The following DIPK1A variants were observed in gnomAD, a reference collection of about 807,000 sequenced individuals.
DIPK1A encodes family with sequence similarity 69 member A.
In DIPK1A, 27 loss-of-function variants were observed where a neutral mutation model predicts 40.8. That is an observed-to-expected ratio of 0.66 (90% CI 0.49 to 0.91). The LOEUF (loss-of-function observed/expected upper bound fraction) is 0.91. DIPK1A is among the 40% of genes least tolerant of loss of function. The pLI, the probability that DIPK1A is intolerant of heterozygous loss-of-function variation, is 0.00. For synonymous variants in DIPK1A, 166 were observed against 171.3 expected (o/e 0.97, Z 0.24); for missense variants, 412 against 505.7 (o/e 0.81, Z 1.78).
chr1:92,834,008 G>A, intron 4 of DIPK1A: 1 of 317,268 alleles, frequency 3.2e-6, no homozygotes, highest in Non-Finnish European at 6.0e-6. Context: ...CTCAGTGGGA[G>A]GATTGTTTGA....
At chr1:92,861,516 G>A (rs1031371114) in intron 2 of DIPK1A, among the ~76,000 whole-genome samples, 3 of 151,524 alleles carry the variant, frequency 2.0e-5, no homozygotes, top group Non-Finnish European at 4.4e-5. Context: ...TAGTAGAGAC[G>A]GGTTTTTGTC....
intron 2 of DIPK1A, among the ~76,000 whole-genome samples, chr1:92,861,227 C>T (rs953661551): frequency 1.3e-5 from 2 of 151,898 alleles, no homozygotes; most frequent in Non-Finnish European, 2.9e-5. Context: ...AGAAAGTTCC[C>T]TCCTATTCTT....
intron 1 of DIPK1A, among the ~76,000 whole-genome samples, chr1:92,955,052 AT>A (rs1479074560): frequency 1.3e-5 from 2 of 152,266 alleles, no homozygotes; most frequent in African/African-American, 4.8e-5. Flanking sequence ...GGAGACGTAA[AT>A]GCATATTACT....
intron 4 of DIPK1A, chr1:92,833,232 T>A: frequency 1.5e-6 from 1 of 671,296 alleles, no homozygotes; most frequent in Non-Finnish European, 2.7e-6. Context: ...GGAAAAAGAT[T>A]CTTGACCCTA....
rs777933769 is a variant in DIPK1A at position 92,834,908 on chromosome 1, C to T, written c.475-1874G>A. 20 of 1,600,922 alleles carry T rather than the reference C, an allele frequency of 1.2e-5. No homozygotes were observed. The highest frequency in any genetic ancestry group is 1.4e-5 in the Non-Finnish European group (16 of 1,179,986). On this transcript the variant is annotated intron_variant, in intron 4 of 4. Coordinates refer to the DIPK1A transcript ENST00000615519. Reference sequence around the variant, plus strand: ...ATATTGTACTGGCCTGCTGCTGGCCCGCAGGGTATGTACAAGATGATTTTA... The same window carrying T: ...ATATTGTACTGGCCTGCTGCTGGCCTGCAGGGTATGTACAAGATGATTTTA...
chr1:92,940,027 T>G (rs1015967009), intron 1 of DIPK1A, among the ~76,000 whole-genome samples: 1 of 152,192 alleles, frequency 6.6e-6, no homozygotes, highest in South Asian at 2.1e-4. Flanking sequence ...TACCTGTATA[T>G]TAAGCTGGCT....
intron 1 of DIPK1A, among the ~76,000 whole-genome samples, chr1:92,898,379 C>T (rs1388315975): frequency 6.6e-6 from 1 of 152,118 alleles, no homozygotes; most frequent in African/African-American, 2.4e-5. Flanking sequence ...TGGTGCTAAG[C>T]CATTCATGAG....
chr1:92,902,983 A>G (rs1041760680), intron 1 of DIPK1A, among the ~76,000 whole-genome samples: 2 of 152,200 alleles, frequency 1.3e-5, no homozygotes, highest in African/African-American at 2.4e-5. Flanking sequence ...GACATTCAGT[A>G]AGTAAAATTC....
intron 4 of DIPK1A, chr1:92,834,763 TTCTC>T (rs774233666): frequency 6.2e-7 from 1 of 1,612,444 alleles, no homozygotes; most frequent in Admixed American, 1.7e-5. Context: ...CTAACCTAGT[TTCTC>T]TCTTACTATA....
intron 4 of DIPK1A, chr1:92,836,956 G>A (rs1327763575): frequency 4.3e-6 from 1 of 230,954 alleles, no homozygotes; most frequent in Non-Finnish European, 8.7e-6. Context: ...TTAGCATTTG[G>A]TGATTTAACC....
chr1:92,912,839 G>A (rs775430030), intron 1 of DIPK1A, among the ~76,000 whole-genome samples: 15 of 152,202 alleles, frequency 9.9e-5, no homozygotes, highest in Middle Eastern at 3.4e-3. Context: ...AGTGGCTCAC[G>A]CCTACAATCC....
At chr1:92,847,639 T>C (rs932746647) in intron 3 of DIPK1A, among the ~76,000 whole-genome samples, 2 of 152,214 alleles carry the variant, frequency 1.3e-5, no homozygotes, top group Admixed American at 6.5e-5. Flanking sequence ...TTCCCAGACA[T>C]TCTACTTCCA....
chr1:92,840,634 G>GT, downstream of DIPK1A: 1 of 1,606,996 alleles, frequency 6.2e-7, no homozygotes, highest in Non-Finnish European at 8.5e-7. Context: ...AAGTTAAAAA[G>GT]AAGAGGTATG....
intron 1 of DIPK1A, among the ~76,000 whole-genome samples, chr1:92,895,115 A>G (rs1431218907): frequency 4.6e-5 from 7 of 152,068 alleles, no homozygotes; most frequent in African/African-American, 1.7e-4. Flanking sequence ...AACTATTCCA[A>G]TCAATAGAAA....
intron 4 of DIPK1A, chr1:92,836,254 A>T (rs539328780): frequency 1.9e-6 from 3 of 1,613,848 alleles, no homozygotes. Context: ...GGTGATGAAT[A>T]CAATGTGGAA....
Position 92,843,147 on chromosome 1 carries a change from CA to C in DIPK1A, c.*235del, listed in dbSNP as rs1363345268. 2 of 1,228,658 alleles carry C rather than the reference CA, an allele frequency of 1.6e-6. No individual in the cohort carries two copies. The highest frequency in any genetic ancestry group is 8.2e-5 in the Admixed American group (2 of 24,506). 76.1% of individuals were successfully genotyped at this position (1,228,658 alleles called of 1,614,324 possible). A position where few individuals can be genotyped will look rare whatever the true frequency, so the allele number is the denominator to read the frequency against. On this transcript the variant is annotated 3_prime_UTR_variant, in exon 5 of 5. Transcript: ENST00000370310. ...TTTAAAGTCAGTCAAAATAGTTACA[CA>C]ATGAATGTACTTCGGAGATGTAACA...
chr1:92,936,954 C>T (rs761852542), intron 1 of DIPK1A, among the ~76,000 whole-genome samples: 1 of 152,212 alleles, frequency 6.6e-6, no homozygotes, highest in African/African-American at 2.4e-5. Flanking sequence ...TGTTCATTCA[C>T]TCTATGGAAA....
intron 1 of DIPK1A, among the ~76,000 whole-genome samples, chr1:92,958,593 T>TA (rs1267436858): frequency 1.3e-5 from 2 of 152,198 alleles, no homozygotes; most frequent in Non-Finnish European, 2.9e-5. Context: ...GCTGAATAGT[T>TA]ATACCCTCAC....
At chr1:92,947,774 T>G (rs1571149001) in intron 1 of DIPK1A, among the ~76,000 whole-genome samples, 1 of 152,214 alleles carries the variant, frequency 6.6e-6, no homozygotes, top group Admixed American at 6.5e-5. Flanking sequence ...CAGGACAGTA[T>G]GTTAAGTGAA....
Sources: gnomAD v4.1 joint callset for allele counts (sites outside exome capture counted in the v4.1 genomes callset) on GRCh38, gnomAD v4.1.1 for gene constraint, MANE v1.5 for transcripts, NCBI Gene and HGNC (gene_info 2026-07-23, HGNC 2026-07-21) for gene names.